The following KCNK13 variants were observed in gnomAD, a reference collection of about 807,000 sequenced individuals.
The protein encoded by KCNK13 is potassium channel subfamily K member 13.
In KCNK13, 12 loss-of-function variants were observed where a neutral mutation model predicts 23.4. The observed-to-expected ratio is 0.51, with a 90% CI of 0.33 to 0.83. KCNK13 has a LOEUF of 0.83. Among genes scored for constraint, KCNK13 ranks in the 40% least tolerant of loss-of-function variants. The pLI, the probability that KCNK13 is intolerant of heterozygous loss-of-function variation, is 0.02. For missense variants in KCNK13, 463 were observed against 556.3 expected, an observed-to-expected ratio of 0.83 and a Z score of 1.69; for synonymous variants, 231 against 229.5, an observed-to-expected ratio of 1.01 and a Z score of -0.06.
rs778654067 is a variant in KCNK13, at chr14:90,094,645, CT to C, written c.334+32128del. 1.3e-3 allele frequency among the ~76,000 whole-genome samples: 145 copies of C among 111,620 alleles called. 1 individual carries two copies. The highest frequency in any genetic ancestry group is 3.9e-3 in the East Asian group (15 of 3,866). 73.2% of individuals were successfully genotyped at this position (111,620 alleles called of 152,430 possible). A position where few individuals can be genotyped will look rare whatever the true frequency, so the allele number is the denominator to read the frequency against. ...ATTATCAGGGACTTTTCTTTTTTTTCTTTTTTTTTTTTTTTTTTTTTTGAGA... is the reference window on the plus strand; with the variant it reads ...ATTATCAGGGACTTTTCTTTTTTTTCTTTTTTTTTTTTTTTTTTTTTGAGA... On this transcript the variant is annotated intron_variant, in intron 1 of 1. Coordinates refer to ENST00000282146, the MANE Select transcript of KCNK13 (RefSeq NM_022054.4).
chr14:90,184,320 T>C lies in KCNK13; in HGVS notation c.544T>C (p.Cys182Arg), dbSNP rs140155027. The change falls in exon 2 of 2, where the codon TGT becomes CGT. Residue 182 changes from cysteine to arginine, a missense_variant. Transcript: ENST00000282146. This position sits in a 1 kb window ranked among gnomAD's most constrained non-coding sequence, Gnocchi z 5.6. ...PQESLKDAGQ[C>R]EVDSLAGWKP... ...GGAGAGCCTGAAGGATGCGGGGCAG[T>C]GTGAGGTGGACAGCCTGGCCGGCTG... 6.8e-6 allele frequency: 11 copies of C among 1,614,218 alleles called. No homozygotes were observed. Among genetic ancestry groups the C allele is most frequent in the South Asian group, 1.1e-5 (1 of 91,080 alleles).
intron 1 of KCNK13, among the ~76,000 whole-genome samples, chr14:90,143,118 A>G (rs927576964): frequency 1.4e-5 from 2 of 146,860 alleles, no homozygotes; most frequent in Non-Finnish European, 3.0e-5. Flanking sequence ...TTACAAATTT[A>G]TGTCCCTGTT....
intron 1 of KCNK13, among the ~76,000 whole-genome samples, 167 bp from the exon 2 acceptor site, chr14:90,183,943 GT>G: frequency 6.6e-6 from 1 of 152,264 alleles, no homozygotes; most frequent in East Asian, 1.9e-4. Flanking sequence ...ACAACACTTA[GT>G]GTCTTCAAAA....
At chr14:90,165,341 ATCT>A (rs147518311) in intron 1 of KCNK13, among the ~76,000 whole-genome samples, 2,604 of 152,282 alleles carry the variant, frequency 0.017, 67 homozygotes, top group African/African-American at 0.06. Context: ...AGTACAGCTC[ATCT>A]TCTTCTGCTT....
In KCNK13 at chr14:90,062,229, G is replaced by C. The variant is rs777882687; in HGVS notation, c.24G>C (p.Trp8Cys). ...CCATGGCTGGCCGGGGTTTCAGCTG[G>C]GGCCCGGGCCACCTGAACGAGGACA... The part of the protein sequence containing the change: MAGRGFS[W>C]GPGHLNEDNA... The change falls in exon 1 of 2, where the codon TGG becomes TGC. Residue 8 changes from tryptophan to cysteine, a missense_variant. Coordinates refer to ENST00000282146, the MANE Select transcript of KCNK13 (RefSeq NM_022054.4). The surrounding 1 kb of genome is among the most constrained non-coding windows in gnomAD (Gnocchi z 4.5). The C allele has an allele frequency of 1.3e-6, 2 of 1,492,288 alleles. 1 individual carries two copies. The highest frequency in any genetic ancestry group is 2.6e-5 in the South Asian group (2 of 78,192). The allele number at this position is 1,492,288 out of a possible 1,614,324, so 92.4% of individuals were successfully genotyped here.
intron 1 of KCNK13, among the ~76,000 whole-genome samples, chr14:90,133,996 G>A (rs1180291228): frequency 6.6e-6 from 1 of 152,166 alleles, no homozygotes; most frequent in African/African-American, 2.4e-5. Flanking sequence ...CACCAATTAT[G>A]TGTATCAAGT....
At chr14:90,134,500 A>G (rs1248990419) in intron 1 of KCNK13, among the ~76,000 whole-genome samples, 2 of 152,206 alleles carry the variant, frequency 1.3e-5, no homozygotes, top group Non-Finnish European at 2.9e-5. Flanking sequence ...AACTCTCCAT[A>G]AGAAAGATCC....
chr14:90,184,159 T>A lies in KCNK13; in HGVS notation c.383T>A (p.Ile128Asn). 6.2e-7 allele frequency: 1 copy of A among 1,614,160 alleles called. No homozygotes were observed. The highest frequency in any genetic ancestry group is 8.5e-7 in the Non-Finnish European group (1 of 1,179,974). Residue 128 changes from isoleucine (I) to asparagine (N), a missense_variant, in exon 2 of 2, where the codon ATC (isoleucine) becomes AAC (asparagine). Transcript: ENST00000282146. This position sits in a 1 kb window ranked among gnomAD's most constrained non-coding sequence, Gnocchi z 5.6. ...PATVGGKIFL[I>N]FYGLVGCSST... ...ACAGTAGGAGGAAAAATCTTTCTGA[T>A]CTTTTACGGCCTTGTTGGGTGTTCC...
intron 1 of KCNK13, among the ~76,000 whole-genome samples, chr14:90,081,114 A>G (rs8005712): frequency 0.013 from 1,982 of 152,374 alleles, 47 homozygotes; most frequent in African/African-American, 0.046. Flanking sequence ...CTGGGACCAA[A>G]GAGGAATAAG....
At chr14:90,143,186 T>TTTCTTTC (rs1454639537) in intron 1 of KCNK13, among the ~76,000 whole-genome samples, 3 of 28,858 alleles carry the variant, frequency 1.0e-4, no homozygotes, top group African/African-American at 2.3e-4. Flanking sequence ...TTTTCTTTTC[T>TTTCTTTC]TTTCTTTCTT....
At chr14:90,075,078 AT>A (rs1889119177) in intron 1 of KCNK13, among the ~76,000 whole-genome samples, 3 of 151,798 alleles carry the variant, frequency 2.0e-5, no homozygotes, top group African/African-American at 7.3e-5. Flanking sequence ...GATGGACTTA[AT>A]ATTTGGTTTC....
intron 1 of KCNK13, among the ~76,000 whole-genome samples, chr14:90,108,625 C>T (rs1345865195): frequency 6.6e-6 from 1 of 152,146 alleles, no homozygotes; most frequent in Non-Finnish European, 1.5e-5. Flanking sequence ...TCTCAGGACT[C>T]AACTGGAGAA....
At chr14:90,137,869 A>G (rs1889957235) in intron 1 of KCNK13, among the ~76,000 whole-genome samples, 1 of 152,208 alleles carries the variant, frequency 6.6e-6, no homozygotes, top group Non-Finnish European at 1.5e-5. Flanking sequence ...AGCTTCTTAT[A>G]ATTAGAGATT....
chr14:90,180,390 G>A (rs1166054701), intron 1 of KCNK13, among the ~76,000 whole-genome samples: 2 of 152,138 alleles, frequency 1.3e-5, no homozygotes, highest in Non-Finnish European at 2.9e-5. Context: ...CAAAAAAGGG[G>A]AGGGTTTCTA....
chr14:90,117,192 C>T (rs933400392), intron 1 of KCNK13, among the ~76,000 whole-genome samples: 2 of 152,164 alleles, frequency 1.3e-5, no homozygotes, highest in Admixed American at 1.3e-4. Context: ...GACTCAGGGG[C>T]AGCAGTGTAT....
intron 1 of KCNK13, among the ~76,000 whole-genome samples, chr14:90,088,746 A>G (rs1165874211): frequency 6.6e-6 from 1 of 152,068 alleles, no homozygotes; most frequent in Non-Finnish European, 1.5e-5. Flanking sequence ...TTGAATTGTA[A>G]CTCCCACAAT....
intron 1 of KCNK13, among the ~76,000 whole-genome samples, chr14:90,139,136 C>G (rs1889973660): frequency 6.6e-6 from 1 of 152,178 alleles, no homozygotes; most frequent in Non-Finnish European, 1.5e-5. Flanking sequence ...TCCGTCCTCT[C>G]ACAGAGCTTT....
intron 1 of KCNK13, among the ~76,000 whole-genome samples, chr14:90,141,734 A>G (rs925747704): frequency 6.8e-6 from 1 of 146,282 alleles, no homozygotes; most frequent in African/African-American, 2.5e-5. Flanking sequence ...CTGGGATTAC[A>G]GGTGTGAGCC....
rs548188748 is a variant in KCNK13, at chr14:90,160,422, T to C, written c.335-23689T>C. On this transcript the variant is annotated intron_variant, in intron 1 of 1. Coordinates refer to ENST00000282146, the MANE Select transcript of KCNK13 (RefSeq NM_022054.4). The stretch of plus-strand genomic sequence containing the variant: ...TGCTGAGCTCATGGCTAAGAGTTCA[T>C]GAATGACTGTCCCTGTGAGGTCAGG... Among the ~76,000 whole-genome samples the C allele has an allele frequency of 9.0e-4, 137 of 152,284 alleles. 1 individual carries two copies. Among genetic ancestry groups the C allele is most frequent in the Middle Eastern group, 3.4e-3 (1 of 294 alleles).
Sources: allele counts gnomAD v4.1 joint callset (sites outside exome capture counted in the v4.1 genomes callset), GRCh38; gene constraint gnomAD v4.1.1; non-coding constraint Gnocchi (gnomAD v3.1); transcripts MANE v1.5; gene names NCBI Gene and HGNC (gene_info 2026-07-23, HGNC 2026-07-21).